PPP3CB: variants seen among roughly 807,000 people sequenced by gnomAD.
PPP3CB encodes serine/threonine-protein phosphatase 2B catalytic subunit beta isoform.
PPP3CB carries 8 observed loss-of-function variants against 66.4 expected under a neutral mutation model. The observed-to-expected ratio is 0.12, with a 90% CI of 0.07 to 0.22. PPP3CB has a LOEUF of 0.22. PPP3CB is among the 10% of genes least tolerant of loss of function. The probability of loss-of-function intolerance (pLI) is 1.00; values close to 1 mark genes in which losing one functional copy is unlikely to be tolerated. For missense variants in PPP3CB, 319 were observed against 642.5 expected, an observed-to-expected ratio of 0.50 and a Z score of 5.44; for synonymous variants, 208 against 221.2, an observed-to-expected ratio of 0.94 and a Z score of 0.53.
intron 9 of PPP3CB, chr10:73,467,287 A>G (rs991153041): frequency 6.0e-5 from 12 of 198,452 alleles, no homozygotes; most frequent in African/African-American, 2.1e-4. Flanking sequence ...AGCTAAAGAA[A>G]AAAAAAAAAA....
chr10:73,484,367 T>C (rs371436235), intron 1 of PPP3CB, among the ~76,000 whole-genome samples: 398 of 151,076 alleles, frequency 2.6e-3, no homozygotes, highest in African/African-American at 8.6e-3. Flanking sequence ...CCCCCCGGGG[T>C]TCATGCCATT....
intron 5 of PPP3CB, 52 bp downstream of exon 5, chr10:73,471,416 C>A: frequency 6.5e-7 from 1 of 1,531,720 alleles, no homozygotes; most frequent in East Asian, 2.3e-5. Context: ...CTGCTCTACT[C>A]AACAATGTAC....
At chr10:73,452,867 G>A (rs558336977) in intron 10 of PPP3CB, among the ~76,000 whole-genome samples, 14 of 152,244 alleles carry the variant, frequency 9.2e-5, no homozygotes, top group Non-Finnish European at 1.6e-4. Context: ...CAATGGTAGC[G>A]CTTGTACAGT....
At chr10:73,439,355 T>C (rs569458092) in intron 13 of PPP3CB, among the ~76,000 whole-genome samples, 2 of 152,092 alleles carry the variant, frequency 1.3e-5, no homozygotes, top group Non-Finnish European at 2.9e-5. Context: ...CCATAAACTA[T>C]AGCCCAAACT....
chr10:73,495,593 G>T, intron 1 of PPP3CB: 1 of 580,582 alleles, frequency 1.7e-6, no homozygotes, highest in Non-Finnish European at 2.5e-6. Context: ...CAAAACCTCC[G>T]CCCCGGCCTG....
chr10:73,457,764 A>G (rs2056453383), intron 9 of PPP3CB, among the ~76,000 whole-genome samples: 2 of 151,996 alleles, frequency 1.3e-5, no homozygotes, highest in African/African-American at 4.8e-5. Context: ...AAAGAAAGAA[A>G]GAAAGTGAAA....
chr10:73,483,418 G>A (rs898247290), intron 1 of PPP3CB, among the ~76,000 whole-genome samples: 1 of 152,196 alleles, frequency 6.6e-6, no homozygotes, highest in Admixed American at 6.5e-5. Context: ...ACTTTGGGAG[G>A]CTGAGGCAGG....
intron 12 of PPP3CB, among the ~76,000 whole-genome samples, chr10:73,443,527 A>G (rs2056198032): frequency 1.3e-5 from 2 of 152,166 alleles, no homozygotes; most frequent in Non-Finnish European, 2.9e-5. Flanking sequence ...ATCTGTTGCT[A>G]TTTTAATAGA....
At chr10:73,447,487 C>T (rs1009620684) in intron 10 of PPP3CB, among the ~76,000 whole-genome samples, 4 of 152,046 alleles carry the variant, frequency 2.6e-5, no homozygotes, top group Admixed American at 6.6e-5. Context: ...TCCTTAGAGC[C>T]GTGCTTCAAC....
chr10:73,443,286 C>CAGAAAGAAAGAAAGAAAGAAAGAAAGAA (rs71021552), intron 12 of PPP3CB, among the ~76,000 whole-genome samples: 2 of 115,634 alleles, frequency 1.7e-5, no homozygotes, highest in Admixed American at 9.8e-5. Flanking sequence ...GAAAGAAAGA[C>CAGAAAGAAAGAAAGAAAGAAAGAAAGAA]AGAAAGAAAG....
Position 73,494,326 on chromosome 10 carries a change from G to A in PPP3CB, c.85+1479C>T, listed in dbSNP as rs2057133752. Among the ~76,000 whole-genome samples the A allele has an allele frequency of 3.3e-5, 5 of 152,112 alleles. No homozygotes were observed. The East Asian group carries it at 7.7e-4, about 23-fold the overall frequency. On this transcript the variant is annotated intron_variant, in intron 1 of 13. Coordinates refer to ENST00000360663, the MANE Select transcript of PPP3CB (RefSeq NM_021132.4). ...TTTGGAGACAGGGTCTGGCTCTGTC[G>A]TCCAGGTTGGAGCACACTGGCGCAA...
chr10:73,453,957 G>A lies in PPP3CB; in HGVS notation c.1186+455C>T, dbSNP rs537531443. ...GAATCTGAAACTAAATTAGCAAGTG[G>A]TCTTTTAGAACACAATCACACTAAT... On this transcript the variant is annotated intron_variant, in intron 10 of 13. Coordinates refer to ENST00000360663, the MANE Select transcript of PPP3CB (RefSeq NM_021132.4). 2.6e-5 allele frequency among the ~76,000 whole-genome samples: 4 copies of A among 152,234 alleles called. No homozygotes were observed. In the East Asian group the frequency reaches 7.7e-4, roughly 29 times the overall value.
chr10:73,452,999 TAGTTTACAC>T (rs1474408856), intron 10 of PPP3CB, among the ~76,000 whole-genome samples: 9 of 152,342 alleles, frequency 5.9e-5, no homozygotes, highest in African/African-American at 2.2e-4. Context: ...ATGAAATGGA[TAGTTTACAC>T]AGTTGGAAAA....
chr10:73,459,142 C>T (rs1201707883), intron 9 of PPP3CB, among the ~76,000 whole-genome samples: 2 of 152,072 alleles, frequency 1.3e-5, no homozygotes, highest in Non-Finnish European at 2.9e-5. Flanking sequence ...AAAGGTTAAT[C>T]ATAGAGTTAC....
At chr10:73,444,367 C>A in intron 12 of PPP3CB, 3 of 501,824 alleles carry the variant, frequency 6.0e-6, no homozygotes, top group Non-Finnish European at 6.8e-6. Flanking sequence ...ATTTTAGTAA[C>A]AGGAATATCC....
intron 12 of PPP3CB, among the ~76,000 whole-genome samples, chr10:73,441,607 A>G (rs781367955): frequency 5.3e-4 from 81 of 152,200 alleles, no homozygotes; most frequent in Non-Finnish European, 9.4e-4. Flanking sequence ...GCATCTTGTC[A>G]TGGCCTTAAT....
intron 1 of PPP3CB, among the ~76,000 whole-genome samples, chr10:73,486,886 A>G (rs1350002038): frequency 6.6e-6 from 1 of 152,178 alleles, no homozygotes; most frequent in African/African-American, 2.4e-5. Flanking sequence ...TAAACTAATC[A>G]TAGGCTGGGT....
chr10:73,472,903 T>C (rs2056726458), intron 4 of PPP3CB, among the ~76,000 whole-genome samples: 2 of 152,208 alleles, frequency 1.3e-5, no homozygotes, highest in African/African-American at 4.8e-5. Context: ...CAACTTTAAA[T>C]TCCTATTTTG....
chr10:73,458,963 A>G (rs1305570975), intron 9 of PPP3CB, among the ~76,000 whole-genome samples: 3 of 151,876 alleles, frequency 2.0e-5, no homozygotes, highest in African/African-American at 7.3e-5. Flanking sequence ...CCAGCTACTC[A>G]GGAGGCTGAG....
Sources: gnomAD v4.1 joint callset for allele counts (sites outside exome capture counted in the v4.1 genomes callset) on GRCh38, gnomAD v4.1.1 for gene constraint, MANE v1.5 for transcripts, NCBI Gene and HGNC (gene_info 2026-07-23, HGNC 2026-07-21) for gene names.